The following PACS2 variants were observed in gnomAD, a reference collection of about 807,000 sequenced individuals.
PACS2 encodes the protein phosphofurin acidic cluster sorting protein 2.
A neutral mutation model predicts 113.0 loss-of-function variants in PACS2; 36 were observed. That is an observed-to-expected ratio of 0.32 (90% CI 0.24 to 0.42). The LOEUF is 0.42. PACS2 is among the 10% of genes least tolerant of loss of function. The pLI is 1.00. For synonymous variants in PACS2, 589 were observed against 536.1 expected, an observed-to-expected ratio of 1.10 and a Z score of -1.36; for missense variants, 1,015 against 1,239.5, an observed-to-expected ratio of 0.82 and a Z score of 2.72.
intron 22 of PACS2, 60 bp downstream of exon 22, chr14:105,391,826 T>G (rs1181183979): frequency 2.0e-6 from 3 of 1,495,262 alleles, no homozygotes; most frequent in Non-Finnish European, 2.7e-6. Context: ...TGCTGCCTGA[T>G]TCAGTCATCC....
In PACS2 at chr14:105,317,754, G is replaced by A. The variant is rs1233841430; in HGVS notation, c.119+2717G>A. Among the ~76,000 whole-genome samples, 3 of 152,152 alleles carry A rather than the reference G, an allele frequency of 2.0e-5. No individual in the cohort carries two copies. The highest frequency in any genetic ancestry group is 3.2e-3 in the Middle Eastern group (1 of 316). Reference sequence around the variant, plus strand: ...TGAGCAGCCTCTGGGTGCACTCCCCGTGTCAGCCTGGTGGAGTGTGCACAT... The same window carrying A: ...TGAGCAGCCTCTGGGTGCACTCCCCATGTCAGCCTGGTGGAGTGTGCACAT... On this transcript the variant is annotated intron_variant, in intron 1 of 24. Transcript: ENST00000447393. The surrounding 1 kb of genome is among the most constrained non-coding windows in gnomAD (Gnocchi z 4.2).
intron 10 of PACS2, 120 bp from the exon 11 acceptor site, chr14:105,379,960 T>G: frequency 7.7e-7 from 1 of 1,294,314 alleles, no homozygotes; most frequent in Non-Finnish European, 1.1e-6. Flanking sequence ...GCACCCACTG[T>G]CCAGCACACT....
At chr14:105,320,523 T>G (rs1248302958) in intron 1 of PACS2, among the ~76,000 whole-genome samples, 1 of 152,172 alleles carries the variant, frequency 6.6e-6, no homozygotes, top group Non-Finnish European at 1.5e-5. Flanking sequence ...TTAAATTTTT[T>G]GTAGAGATGG....
In PACS2 at chr14:105,340,460, G is replaced by A. The variant is rs967184288; in HGVS notation, c.120-8033G>A. Reference sequence around the variant, plus strand: ...AGACAGTTTTTCCACAGACGGTGATGGGAATGGTTTCCAGTGAAACTGTCC... The same window carrying A: ...AGACAGTTTTTCCACAGACGGTGATAGGAATGGTTTCCAGTGAAACTGTCC... On this transcript the variant is annotated intron_variant, in intron 1 of 24. Coordinates refer to ENST00000447393, the MANE Select transcript of PACS2 (RefSeq NM_001100913.3). This position sits in a 1 kb window ranked among gnomAD's most constrained non-coding sequence, Gnocchi z 4.2. Among the ~76,000 whole-genome samples the A allele has an allele frequency of 2.7e-4, 41 of 152,180 alleles. No homozygotes were observed. The highest frequency in any genetic ancestry group is 9.7e-4 in the African/African-American group (40 of 41,436).
At chr14:105,352,315 CTT>C (rs1375817543) in intron 2 of PACS2, 61 bp from the exon 3 acceptor site, 6 of 1,081,024 alleles carry the variant, frequency 5.6e-6, no homozygotes, top group African/African-American at 4.6e-5. Context: ...GTCACGGTGT[CTT>C]TGCCTGGTTT....
intron 12 of PACS2, 85 bp downstream of exon 12, chr14:105,381,184 T>G: frequency 8.1e-7 from 1 of 1,227,308 alleles, no homozygotes; most frequent in Non-Finnish European, 1.2e-6. Flanking sequence ...GGTGGGTGCG[T>G]GTCAGTCCAT....
chr14:105,342,279 T>TGA (rs149088527), intron 1 of PACS2, among the ~76,000 whole-genome samples: 3 of 151,092 alleles, frequency 2.0e-5, no homozygotes, highest in South Asian at 2.1e-4. Flanking sequence ...TGTCTATGTG[T>TGA]GAGAGAGAGA....
At chr14:105,301,067 G>C (rs1463806851) in intron 1 of PACS2, 1 of 152,330 alleles carries the variant, frequency 6.6e-6, no homozygotes, top group African/African-American at 2.4e-5. Context: ...GGCCTCGTCG[G>C]TGGGCGACAC....
intron 1 of PACS2, among the ~76,000 whole-genome samples, chr14:105,334,308 C>A (rs765209944): frequency 6.6e-6 from 1 of 152,264 alleles, no homozygotes; most frequent in Admixed American, 6.5e-5. Flanking sequence ...GACTCCAGGG[C>A]AGCGTGGCCA....
chr14:105,394,871 G>C lies in PACS2; in HGVS notation c.*199G>C. 1 of 565,928 alleles carries C rather than the reference G, an allele frequency of 1.8e-6. No individual in the cohort carries two copies. Among genetic ancestry groups the C allele is most frequent in the Non-Finnish European group, 3.2e-6 (1 of 313,166 alleles). 35.1% of individuals were successfully genotyped at this position (565,928 alleles called of 1,614,324 possible). ...GAATAACTGCTCTGCTTATTAACCC[G>C]AACGTTCGGCCCGGGGCTGGGAAGC... is the stretch of plus-strand genomic sequence containing the variant. On this transcript the variant is annotated 3_prime_UTR_variant, in exon 25 of 25. Transcript: ENST00000447393.
rs1328922817 is a variant in PACS2, at chr14:105,391,655, CG to C, written c.2147del (p.Gly716AlafsTer29). On this transcript the variant is annotated frameshift_variant, in exon 22 of 25. Transcript: ENST00000447393. LOFTEE classifies it high-confidence loss of function. Reference protein sequence around the residue: ...TSGDSDDAAPSGSGTLSSTPP... With the variant: ...TSGDSDDAAPXGSGTLSSTPP... ...GGCGACTCGGACGACGCGGCCCCCT[CG>C]GGCTCTGGCACGCTCTCCTCCACCC... 2 of 1,610,414 alleles carry C rather than the reference CG, an allele frequency of 1.2e-6. No homozygotes were observed. Among genetic ancestry groups the C allele is most frequent in the Non-Finnish European group, 1.7e-6 (2 of 1,179,410 alleles).
intron 1 of PACS2, among the ~76,000 whole-genome samples, chr14:105,346,245 C>T (rs749716245): frequency 4.6e-5 from 7 of 152,112 alleles, no homozygotes; most frequent in South Asian, 4.1e-4. Flanking sequence ...TGGGTAGGTC[C>T]GTCTTCCAGT....
At chr14:105,325,335 C>G (rs2059065091) in intron 1 of PACS2, among the ~76,000 whole-genome samples, 1 of 152,028 alleles carries the variant, frequency 6.6e-6, no homozygotes, top group East Asian at 1.9e-4. Context: ...GTGGGGTGAG[C>G]TGGAGCAGGG....
rs998534501 is a variant in PACS2, at chr14:105,324,361, G to T, written c.119+9324G>T. ...GGTGGGAAGGGGTGGCAGGATGGAG[G>T]TTGTACAGTGCTTTCCCCAGGACCA... On this transcript the variant is annotated intron_variant, in intron 1 of 24. Transcript: ENST00000447393. The surrounding 1 kb of genome is among the most constrained non-coding windows in gnomAD (Gnocchi z 4.7). Among the ~76,000 whole-genome samples the T allele has an allele frequency of 1.3e-5, 2 of 152,076 alleles. No homozygotes were observed. The highest frequency in any genetic ancestry group is 1.9e-4 in the East Asian group (1 of 5,164).
Position 105,317,722 on chromosome 14 carries a change from T to C in PACS2, c.119+2685T>C, listed in dbSNP as rs2058731696. Among the ~76,000 whole-genome samples the C allele has an allele frequency of 6.6e-6, 1 of 152,212 alleles. No homozygotes were observed. Among genetic ancestry groups the C allele is most frequent in the Admixed American group, 6.5e-5 (1 of 15,284 alleles). ...CCCCGTCCAGTTATGAGCGAGTCTT[T>C]GCTCTCTGAGCAGCCTCTGGGTGCA... is the stretch of plus-strand genomic sequence containing the variant. On this transcript the variant is annotated intron_variant, in intron 1 of 24. Coordinates refer to ENST00000447393, the MANE Select transcript of PACS2 (RefSeq NM_001100913.3). The surrounding 1 kb of genome is among the most constrained non-coding windows in gnomAD (Gnocchi z 4.2).
In PACS2 at chr14:105,394,694, C is replaced by T. The variant is rs1555416077; in HGVS notation, c.*22C>T. The T allele has an allele frequency of 6.9e-7, 1 of 1,459,284 alleles. No individual in the cohort carries two copies. The allele number at this position is 1,459,284 out of a possible 1,614,324, so 90.4% of individuals were successfully genotyped here. On this transcript the variant is annotated 3_prime_UTR_variant, in exon 25 of 25. Transcript: ENST00000447393. The stretch of plus-strand genomic sequence containing the variant: ...CTAGCCCCACCCACCAGGGGGCCCA[C>T]CTCCTGCCCCATGCTGTGAGGGGCC...
At chr14:105,303,337 G>A (rs937572851) in intron 1 of PACS2, among the ~76,000 whole-genome samples, 1 of 151,952 alleles carries the variant, frequency 6.6e-6, no homozygotes, top group African/African-American at 2.4e-5. Flanking sequence ...TCCACCTCCC[G>A]GGTTCATGCC....
rs1211392203 is a variant in PACS2, at chr14:105,393,634, G to C, written c.2596+299G>C. 6.0e-5 allele frequency: 18 copies of C among 298,890 alleles called. No individual in the cohort carries two copies. In the South Asian group the frequency reaches 6.9e-4, roughly 12 times the overall value. 18.5% of individuals were successfully genotyped at this position (298,890 alleles called of 1,614,324 possible). A position where few individuals can be genotyped will look rare whatever the true frequency, so the allele number is the denominator to read the frequency against. On this transcript the variant is annotated intron_variant, in intron 24 of 24. Transcript: ENST00000447393. ...GACAGAGTTTTGCTCTTGTTACCCA[G>C]GCTGGAGTGCAATGGTGTGATCTCA...
Position 105,393,323 on chromosome 14 carries a change from A to C in PACS2, c.2584A>C (p.Asn862His). 6.2e-7 allele frequency: 1 copy of C among 1,608,624 alleles called. No homozygotes were observed. The highest frequency in any genetic ancestry group is 8.5e-7 in the Non-Finnish European group (1 of 1,177,452). ...CATCTGCACTGCCAGGCAGCAGCAG[A>C]ACATGCTGCGGGGTGAGCACCACCG... is the stretch of plus-strand genomic sequence containing the variant. ...RLICTARQQQ[N>H]MLRVLIDGVE... The change falls in exon 24 of 25, where the codon AAC (asparagine) becomes CAC (histidine). Residue 862 changes from asparagine to histidine, a missense_variant. Physicochemically the swap from Asn to His is moderately conservative, Grantham distance 68. Coordinates refer to ENST00000447393, the MANE Select transcript of PACS2 (RefSeq NM_001100913.3).
Sources: allele counts gnomAD v4.1 joint callset (sites outside exome capture counted in the v4.1 genomes callset), GRCh38; gene constraint gnomAD v4.1.1; non-coding constraint Gnocchi (gnomAD v3.1); transcripts MANE v1.5; gene names NCBI Gene and HGNC (gene_info 2026-07-23, HGNC 2026-07-21).